SYT14: variants seen among roughly 807,000 people sequenced by gnomAD.
SYT14 encodes the protein synaptotagmin-14.
Under a neutral mutation model 74.2 loss-of-function variants are expected in SYT14, and 32 were observed. The observed-to-expected ratio is 0.43, with a 90% CI of 0.33 to 0.58. The LOEUF is 0.58. SYT14 is among the 20% of genes least tolerant of loss of function. SYT14 has a pLI of 0.05. For missense variants in SYT14, 791 were observed against 981.8 expected (o/e 0.81, Z 2.60); for synonymous variants, 298 against 337.7 (o/e 0.88, Z 1.29).
chr1:209,949,442 A>G (rs7518683), intron 1 of SYT14, among the ~76,000 whole-genome samples: 135,928 of 151,998 alleles, frequency 0.89, 61,072 homozygotes, highest in African/African-American at 0.97. Context: ...GCCTGGTGGC[A>G]TGTGCCTGTA....
chr1:210,021,288 A>C, intron 5 of SYT14, 34 bp downstream of exon 4: 3 of 1,567,964 alleles, frequency 1.9e-6, no homozygotes, highest in Non-Finnish European at 2.6e-6. Context: ...TTTACATGAC[A>C]CACTATAGTA....
chr1:210,013,865 A>G, intron 3 of SYT14, 68 bp downstream of exon 3: 2 of 1,486,482 alleles, frequency 1.3e-6, no homozygotes. Context: ...TTATTTTAAT[A>G]TATGCAATAA....
intron 5 of SYT14, among the ~76,000 whole-genome samples, chr1:210,062,623 C>T (rs1315990583): frequency 6.6e-6 from 1 of 151,800 alleles, no homozygotes; most frequent in African/African-American, 2.4e-5. Flanking sequence ...TACAACTAAA[C>T]GTTGTAGTTT....
chr1:209,981,765 T>A (rs1466977892), intron 2 of SYT14, among the ~76,000 whole-genome samples: 3 of 152,164 alleles, frequency 2.0e-5, no homozygotes, highest in Non-Finnish European at 4.4e-5. Flanking sequence ...CCAGACTTTC[T>A]TCTTTTCAAG....
In SYT14 at chr1:209,952,119, T is replaced by C. The variant is rs141079355; in HGVS notation, c.-533-590T>C. ...TATATATTAGTGCACTTTTCTGTAT[T>C]TTTGGTTTTTGGCCCAATAAGTAGA... is the stretch of plus-strand genomic sequence containing the variant. On this transcript the variant is annotated intron_variant, in intron 1 of 9. Coordinates refer to ENST00000637265, the Ensembl canonical transcript of SYT14. Among the ~76,000 whole-genome samples, 485 of 152,286 alleles carry C rather than the reference T, an allele frequency of 3.2e-3. 6 individuals carry two copies. The highest frequency in any genetic ancestry group is 0.011 in the African/African-American group (469 of 41,560).
intron 5 of SYT14, among the ~76,000 whole-genome samples, chr1:210,028,365 C>T (rs962935348): frequency 6.9e-6 from 1 of 143,942 alleles, no homozygotes; most frequent in African/African-American, 2.6e-5. Context: ...ACCATCACCA[C>T]TATCCATCTC....
At chr1:210,091,179 A>G (rs1016132850) in intron 5 of SYT14, among the ~76,000 whole-genome samples, 3 of 152,170 alleles carry the variant, frequency 2.0e-5, no homozygotes, top group Non-Finnish European at 2.9e-5. Flanking sequence ...CACTAAATCT[A>G]AACTAGCGCC....
intron 8 of SYT14, chr1:210,156,929 G>C (rs1204974194): frequency 8.7e-6 from 3 of 344,346 alleles, no homozygotes; most frequent in Admixed American, 7.8e-5. Flanking sequence ...CCTGACCTCA[G>C]GTGATCCATC....
intron 1 of SYT14, among the ~76,000 whole-genome samples, chr1:209,950,243 A>G (rs2078890962): frequency 6.6e-6 from 1 of 152,210 alleles, no homozygotes; most frequent in African/African-American, 2.4e-5. Context: ...AAGCCTTAAT[A>G]TGTATGGAGA....
intron 1 of SYT14, 65 bp from the exon 2 acceptor site, chr1:209,952,644 C>G (rs1275204366): frequency 6.4e-6 from 9 of 1,399,244 alleles, no homozygotes; most frequent in Non-Finnish European, 9.1e-6. Context: ...TAAAATGATT[C>G]TTTGTAACAG....
intron 2 of SYT14, among the ~76,000 whole-genome samples, chr1:209,982,660 A>G (rs536244286): frequency 6.6e-6 from 1 of 152,380 alleles, no homozygotes; most frequent in East Asian, 1.9e-4. Context: ...GTAAGCATCA[A>G]TGTACACATT....
At chr1:209,990,549 G>GTATATATATACGTA (rs2079656405) in intron 2 of SYT14, among the ~76,000 whole-genome samples, 8 of 56,866 alleles carry the variant, frequency 1.4e-4, no homozygotes, top group Admixed American at 2.7e-4. Context: ...GTATATATAT[G>GTATATATATACGTA]TATATATATA....
At chr1:210,153,338 A>G (rs542579274) in intron 7 of SYT14, among the ~76,000 whole-genome samples, 7 of 152,246 alleles carry the variant, frequency 4.6e-5, no homozygotes, top group African/African-American at 1.7e-4. Flanking sequence ...AAACAATTCA[A>G]AGAAACCTGC....
intron 2 of SYT14, among the ~76,000 whole-genome samples, chr1:209,966,490 C>G (rs760482735): frequency 7.2e-5 from 11 of 152,150 alleles, no homozygotes; most frequent in South Asian, 2.1e-4. Context: ...GTGTATATTT[C>G]TATTTAGTTC....
chr1:210,050,969 GACAT>G (rs2080983151), intron 5 of SYT14, among the ~76,000 whole-genome samples: 1 of 152,308 alleles, frequency 6.6e-6, no homozygotes, highest in Non-Finnish European at 1.5e-5. Flanking sequence ...TGTGAGGAAG[GACAT>G]TTAGAAATGA....
chr1:210,161,720 C>T (rs769658555), exon 10 of SYT14: 16 of 453,698 alleles, frequency 3.5e-5, no homozygotes, highest in Admixed American at 2.8e-4. Context: ...CCTCCGCTTT[C>T]GCCTGATCCA....
At chr1:209,944,440 G>A (rs984718807) in intron 1 of SYT14, among the ~76,000 whole-genome samples, 1 of 152,104 alleles carries the variant, frequency 6.6e-6, no homozygotes, top group African/African-American at 2.4e-5. Context: ...TAAATTCATA[G>A]GAACTTATGT....
intron 4 of SYT14, among the ~76,000 whole-genome samples, chr1:210,019,552 C>G (rs2080261448): frequency 1.3e-5 from 2 of 152,174 alleles, no homozygotes; most frequent in South Asian, 4.1e-4. Flanking sequence ...ATTGGGCAAG[C>G]ACTGCCACAA....
At chr1:210,041,982 G>C (rs751886214) in intron 5 of SYT14, among the ~76,000 whole-genome samples, 26 of 152,156 alleles carry the variant, frequency 1.7e-4, no homozygotes, top group Non-Finnish European at 2.9e-4. Flanking sequence ...TGGGATCACT[G>C]AGCCAAGCGT....
Sources: allele counts gnomAD v4.1 joint callset (sites outside exome capture counted in the v4.1 genomes callset), GRCh38; gene constraint gnomAD v4.1.1; transcripts MANE v1.5; gene names NCBI Gene and HGNC (gene_info 2026-07-23, HGNC 2026-07-21).